The following MAGI2 variants were observed in gnomAD, a reference collection of about 807,000 sequenced individuals.
MAGI2 encodes membrane-associated guanylate kinase, WW and PDZ domain-containing protein 2.
In MAGI2, 35 loss-of-function variants were observed where a neutral mutation model predicts 133.3. The observed-to-expected ratio is 0.26, with a 90% CI of 0.20 to 0.35. MAGI2 has a LOEUF of 0.35. Among genes scored for constraint, MAGI2 ranks in the 10% least tolerant of loss-of-function variants. The pLI is 1.00. For synonymous variants in MAGI2, 729 were observed against 710.6 expected (o/e 1.03, Z -0.41); for missense variants, 1,636 against 1,863.4 (o/e 0.88, Z 2.25).
At chr7:78,228,064 G>A (rs1965526) in intron 10 of MAGI2, among the ~76,000 whole-genome samples, 25,555 of 152,188 alleles carry the variant, frequency 0.17, 2,626 homozygotes, top group East Asian at 0.32. Context: ...TCAAACCAAT[G>A]AGTGTGGCTG....
intron 16 of MAGI2, among the ~76,000 whole-genome samples, chr7:78,158,738 C>T (rs1020123749): frequency 1.3e-5 from 2 of 152,186 alleles, no homozygotes; most frequent in African/African-American, 4.8e-5. Context: ...CGCTTCTTGC[C>T]TGGGGACCAA....
chr7:79,151,808 T>C (rs1457097839), intron 1 of MAGI2, among the ~76,000 whole-genome samples: 3 of 152,074 alleles, frequency 2.0e-5, no homozygotes, highest in Non-Finnish European at 4.4e-5. Context: ...TTTATAAAAA[T>C]GAAAACTACT....
chr7:78,389,991 C>T (rs771425567), intron 6 of MAGI2, among the ~76,000 whole-genome samples: 2 of 152,080 alleles, frequency 1.3e-5, no homozygotes, highest in Non-Finnish European at 2.9e-5. Context: ...TACTTTATTG[C>T]CTTTTACAAA....
At chr7:78,137,507 T>C (rs750232359) in intron 16 of MAGI2, among the ~76,000 whole-genome samples, 1 of 152,232 alleles carries the variant, frequency 6.6e-6, no homozygotes, top group Admixed American at 6.5e-5. Flanking sequence ...TGTGTGCTTG[T>C]GTGTAGGTAC....
chr7:78,762,165 C>T (rs1563470336), intron 2 of MAGI2, among the ~76,000 whole-genome samples: 3 of 36,136 alleles, frequency 8.3e-5, no homozygotes, highest in Non-Finnish European at 1.2e-4. Flanking sequence ...GATTTTTGGC[C>T]GGGCATGGTG....
At position 78,958,644 on chromosome 7, in the gene MAGI2, A is replaced by G. The variant is rs78519622; in HGVS notation, c.418+48446T>C. On this transcript the variant is annotated intron_variant, in intron 2 of 21. Coordinates refer to ENST00000354212, the MANE Select transcript of MAGI2 (RefSeq NM_012301.4). ...CTTAACATTTCATCTGCCCATGGGA[A>G]CATGCGGTTCATGTGTGTCAGAGTG... is the stretch of plus-strand genomic sequence containing the variant. Among the ~76,000 whole-genome samples the G allele has an allele frequency of 9.9e-4, 150 of 152,254 alleles. 1 individual carries two copies. The highest frequency in any genetic ancestry group is 3.5e-3 in the African/African-American group (144 of 41,556).
chr7:78,660,565 CA>C (rs1023206454), intron 2 of MAGI2, among the ~76,000 whole-genome samples: 5 of 151,824 alleles, frequency 3.3e-5, no homozygotes, highest in African/African-American at 1.2e-4. Flanking sequence ...GCAACTATTT[CA>C]AACAAAAAAA....
At chr7:78,235,666 G>A (rs957120105) in intron 10 of MAGI2, among the ~76,000 whole-genome samples, 16 of 152,122 alleles carry the variant, frequency 1.1e-4, no homozygotes, top group Admixed American at 5.9e-4. Flanking sequence ...CTGCAGAACC[G>A]TGAGTCAATT....
intron 9 of MAGI2, among the ~76,000 whole-genome samples, chr7:78,257,233 C>T (rs769984395): frequency 6.6e-6 from 1 of 152,194 alleles, no homozygotes; most frequent in Non-Finnish European, 1.5e-5. Flanking sequence ...CTTTGAGCCA[C>T]AGTTCCTCAT....
In MAGI2 at chr7:78,160,135, G is replaced by A. The variant is rs866256161; in HGVS notation, c.2735C>T (p.Ala912Val). The change falls in exon 16 of 22, where the codon GCC (alanine) becomes GTC (valine). Residue 912 changes from alanine to valine, a missense_variant. This residue lies in a region of MAGI2 where 920 missense variants were observed against 1,093.5 expected (regional missense o/e 0.84). Coordinates refer to ENST00000354212, the MANE Select transcript of MAGI2 (RefSeq NM_012301.4). ...ATCACTGGTCTGCAGGCTGTGGGAG[G>A]CGAAGCCTTCAGGGGGAGAGGCATT... ...SSNASPPEGF[A>V]SHSLQTSDVV... is the part of the protein sequence containing the mutation. 4 of 1,612,094 alleles carry A rather than the reference G, an allele frequency of 2.5e-6. No individual in the cohort carries two copies. In the African/African-American group the frequency reaches 4.0e-5, roughly 16 times the overall value.
chr7:79,183,279 A>AT (rs1252155902), intron 1 of MAGI2, among the ~76,000 whole-genome samples: 2 of 152,010 alleles, frequency 1.3e-5, no homozygotes, highest in African/African-American at 4.8e-5. Context: ...ATAATTATAT[A>AT]TATTATGTAT....
chr7:78,784,562 C>G (rs915825908), intron 2 of MAGI2, among the ~76,000 whole-genome samples: 1 of 152,156 alleles, frequency 6.6e-6, no homozygotes, highest in Non-Finnish European at 1.5e-5. Context: ...GGTCATAAGA[C>G]CCTGATTCCG....
intron 2 of MAGI2, among the ~76,000 whole-genome samples, chr7:78,966,589 G>T (rs10225493): frequency 2.0e-5 from 3 of 151,992 alleles, no homozygotes. Context: ...TGGACATTTA[G>T]GTTGTTTCCA....
At chr7:79,378,714 AG>A (rs1478707301) in intron 1 of MAGI2, among the ~76,000 whole-genome samples, 3 of 151,404 alleles carry the variant, frequency 2.0e-5, no homozygotes, top group African/African-American at 7.3e-5. Flanking sequence ...CAGTTAACAA[AG>A]TATTTCAATA....
At chr7:79,136,065 G>GA (rs1562929140) in intron 1 of MAGI2, among the ~76,000 whole-genome samples, 35 of 125,712 alleles carry the variant, frequency 2.8e-4, no homozygotes, top group African/African-American at 8.6e-4. Context: ...AAGAAAGAAA[G>GA]AAGGAAAGAA....
intron 2 of MAGI2, among the ~76,000 whole-genome samples, chr7:78,736,321 G>GTC (rs1437693760): frequency 6.6e-6 from 1 of 152,058 alleles, no homozygotes; most frequent in Non-Finnish European, 1.5e-5. Flanking sequence ...TATTCTAAAC[G>GTC]TAAGAATAAC....
intron 9 of MAGI2, among the ~76,000 whole-genome samples, chr7:78,276,603 A>C (rs1247015227): frequency 6.7e-6 from 1 of 149,628 alleles, no homozygotes; most frequent in East Asian, 2.0e-4. Context: ...ATGCATGAAC[A>C]CTAATTTTAA....
At chr7:78,363,406 T>C (rs1379518438) in intron 7 of MAGI2, among the ~76,000 whole-genome samples, 2 of 152,114 alleles carry the variant, frequency 1.3e-5, no homozygotes, top group South Asian at 2.1e-4. Flanking sequence ...GGCAGGAGAA[T>C]GGCGCGAACC....
intron 3 of MAGI2, among the ~76,000 whole-genome samples, chr7:78,623,288 A>G (rs1484743747): frequency 1.3e-5 from 2 of 149,566 alleles, no homozygotes; most frequent in South Asian, 2.2e-4. Flanking sequence ...TCATTCTTAC[A>G]TAAGTGATAT....
Sources: allele counts gnomAD v4.1 joint callset (sites outside exome capture counted in the v4.1 genomes callset), GRCh38; gene constraint gnomAD v4.1.1; regional missense constraint gnomAD v4.1.1; transcripts MANE v1.5; gene names NCBI Gene and HGNC (gene_info 2026-07-23, HGNC 2026-07-21).